Variants in CNTNAP5 observed in about 807,000 individuals in gnomAD.
The protein encoded by CNTNAP5 is contactin associated protein family member 5, also known as contactin-associated protein-like 5.
In CNTNAP5, 72 loss-of-function variants were observed where a neutral mutation model predicts 150.2. That is an observed-to-expected ratio of 0.48 (90% CI 0.40 to 0.58). The LOEUF (loss-of-function observed/expected upper bound fraction) is 0.58. Ranked by LOEUF, CNTNAP5 falls within the 20% of genes least tolerant of loss-of-function variation. CNTNAP5 has a pLI of 0.00. For synonymous variants in CNTNAP5, 672 were observed against 619.8 expected (o/e 1.08, Z -1.25); for missense variants, 1,636 against 1,626.2 (o/e 1.01, Z -0.10).
intron 17 of CNTNAP5, among the ~76,000 whole-genome samples, chr2:124,777,775 ATGTGTGTGTGTGTG>A (rs35863925): frequency 0.066 from 8,590 of 130,658 alleles, 406 homozygotes; most frequent in South Asian, 0.14. Context: ...GAATGGAGGG[ATGTGTGTGTGTGTG>A]TGTGTGTGTG....
At chr2:124,335,339 G>A (rs1029239905) in intron 3 of CNTNAP5, among the ~76,000 whole-genome samples, 1 of 151,840 alleles carries the variant, frequency 6.6e-6, no homozygotes, top group Non-Finnish European at 1.5e-5. Context: ...ATAACAATTT[G>A]TGTCTTGGGT....
intron 19 of CNTNAP5, among the ~76,000 whole-genome samples, chr2:124,821,919 G>A (rs1682499869): frequency 6.6e-6 from 1 of 152,208 alleles, no homozygotes; most frequent in African/African-American, 2.4e-5. Context: ...CAGCTAGACT[G>A]CAACACCATG....
At chr2:124,541,044 T>A (rs1249224651) in intron 10 of CNTNAP5, among the ~76,000 whole-genome samples, 1 of 152,102 alleles carries the variant, frequency 6.6e-6, no homozygotes, top group Non-Finnish European at 1.5e-5. Context: ...TCAGTCAGTT[T>A]CTTAGAGCTT....
intron 16 of CNTNAP5, among the ~76,000 whole-genome samples, chr2:124,768,997 G>A (rs1193823862): frequency 6.6e-6 from 1 of 152,140 alleles, no homozygotes. Context: ...AGGCCAGAGA[G>A]ATTAACTCAC....
chr2:124,150,623 C>T (rs939968397), intron 1 of CNTNAP5, among the ~76,000 whole-genome samples: 1 of 151,934 alleles, frequency 6.6e-6, no homozygotes, highest in African/African-American at 2.4e-5. Flanking sequence ...ACTGTCTTCT[C>T]CTTGTACCCT....
chr2:124,640,385 A>G (rs968179065), intron 12 of CNTNAP5, among the ~76,000 whole-genome samples: 1 of 152,202 alleles, frequency 6.6e-6, no homozygotes, highest in African/African-American at 2.4e-5. Flanking sequence ...GGTGGAAGGC[A>G]GTAATGGACG....
At chr2:124,418,746 A>G (rs941026599) in intron 4 of CNTNAP5, among the ~76,000 whole-genome samples, 3 of 152,180 alleles carry the variant, frequency 2.0e-5, no homozygotes, top group African/African-American at 4.8e-5. Flanking sequence ...GAACACCTAC[A>G]AGGGTATATG....
rs1678529488 is a variant in CNTNAP5 at position 124,906,047 on chromosome 2, G to A, written c.3655+2947G>A. ...TAGGAATCAGCTAGCCCTGAGAGGG[G>A]CAGTGTCTCCCTGGCCAGCAAGATC... On this transcript the variant is annotated intron_variant, in intron 22 of 23. Transcript: ENST00000682447. 2.0e-5 allele frequency among the ~76,000 whole-genome samples: 3 copies of A among 152,074 alleles called. No homozygotes were observed. The South Asian group carries it at 6.2e-4, about 32-fold the overall frequency.
intron 2 of CNTNAP5, among the ~76,000 whole-genome samples, chr2:124,236,354 C>G (rs1686746328): frequency 6.6e-6 from 1 of 152,164 alleles, no homozygotes; most frequent in Admixed American, 6.6e-5. Context: ...AACACCTTAG[C>G]CTTCCTGCAC....
At chr2:124,058,916 A>G (rs764799880) in intron 1 of CNTNAP5, among the ~76,000 whole-genome samples, 1 of 152,176 alleles carries the variant, frequency 6.6e-6, no homozygotes, top group Non-Finnish European at 1.5e-5. Context: ...GGGATATTTA[A>G]TTGGCCATGT....
intron 7 of CNTNAP5, among the ~76,000 whole-genome samples, chr2:124,486,030 C>T (rs1326383799): frequency 6.6e-6 from 1 of 151,850 alleles, no homozygotes; most frequent in Non-Finnish European, 1.5e-5. Context: ...GCACAATGCA[C>T]AATTGAAAAA....
At chr2:124,348,450 T>C (rs546656724) in intron 3 of CNTNAP5, among the ~76,000 whole-genome samples, 2 of 152,330 alleles carry the variant, frequency 1.3e-5, no homozygotes, top group East Asian at 3.9e-4. Flanking sequence ...ATGTTGTTAG[T>C]TATGGGCATT....
chr2:124,153,266 G>A (rs1275574656), intron 1 of CNTNAP5, among the ~76,000 whole-genome samples: 5 of 152,152 alleles, frequency 3.3e-5, no homozygotes, highest in Admixed American at 2.0e-4. Flanking sequence ...AGTAAATGAT[G>A]CTTAATAAAT....
intron 11 of CNTNAP5, among the ~76,000 whole-genome samples, chr2:124,585,669 C>T (rs201072990): frequency 0.01 from 689 of 66,368 alleles, 10 homozygotes; most frequent in African/African-American, 0.037. Context: ...GAGCTTGAAG[C>T]TTTTTTTTTT....
chr2:124,337,716 C>G (rs542981088), intron 3 of CNTNAP5, among the ~76,000 whole-genome samples: 1 of 152,178 alleles, frequency 6.6e-6, no homozygotes, highest in African/African-American at 2.4e-5. Flanking sequence ...GGGTTCTGTT[C>G]TGTTCCATTG....
At chr2:124,903,603 C>T (rs1010034779) in intron 22 of CNTNAP5, among the ~76,000 whole-genome samples, 1 of 152,074 alleles carries the variant, frequency 6.6e-6, no homozygotes, top group African/African-American at 2.4e-5. Context: ...ATTACTATCA[C>T]AATTAAATTA....
rs1034610231 is a variant in CNTNAP5, at chr2:124,096,443, A to G, written c.82+70711A>G. The stretch of plus-strand genomic sequence containing the variant: ...CCTTCTTGCCAATTTAATCAACTCA[A>G]TTGCTGGCAACTTAGTATCCATTCT... On this transcript the variant is annotated intron_variant, in intron 1 of 23. Transcript: ENST00000682447. 3.8e-4 allele frequency among the ~76,000 whole-genome samples: 58 copies of G among 152,196 alleles called. 1 individual carries two copies. The highest frequency in any genetic ancestry group is 3.3e-3 in the Admixed American group (51 of 15,288).
chr2:124,223,547 C>T (rs915267962), intron 2 of CNTNAP5, among the ~76,000 whole-genome samples: 1 of 151,962 alleles, frequency 6.6e-6, no homozygotes, highest in Admixed American at 6.6e-5. Context: ...GAATTTAACA[C>T]GGTTTCCAAC....
At chr2:124,278,652 T>C (rs1271557892) in intron 3 of CNTNAP5, among the ~76,000 whole-genome samples, 1 of 152,176 alleles carries the variant, frequency 6.6e-6, no homozygotes, top group Non-Finnish European at 1.5e-5. Context: ...AATCTGCTCA[T>C]TCCAAGCTGT....
Sources: gnomAD v4.1 joint callset for allele counts (sites outside exome capture counted in the v4.1 genomes callset) on GRCh38, gnomAD v4.1.1 for gene constraint, MANE v1.5 for transcripts, NCBI Gene and HGNC (gene_info 2026-07-23, HGNC 2026-07-21) for gene names.